NPAS3: variants seen among roughly 807,000 people sequenced by gnomAD.
NPAS3 encodes the protein neuronal PAS domain-containing protein 3.
In NPAS3, 14 loss-of-function variants were observed where a neutral mutation model predicts 73.1. The observed-to-expected ratio is 0.19, with a 90% confidence interval of 0.13 to 0.30. The LOEUF (loss-of-function observed/expected upper bound fraction) is 0.30, where lower values mean the gene tolerates loss of function less well. Among genes scored for constraint, NPAS3 ranks in the 10% least tolerant of loss-of-function variants. The pLI is 1.00. For synonymous variants in NPAS3, 620 were observed against 541.5 expected (o/e 1.14, Z -2.01); for missense variants, 1,096 against 1,250.0 (o/e 0.88, Z 1.86).
chr14:33,455,167 T>C (rs1421646851), intron 4 of NPAS3, among the ~76,000 whole-genome samples: 2 of 152,264 alleles, frequency 1.3e-5, no homozygotes, highest in Non-Finnish European at 2.9e-5. Context: ...TCTGCAACTG[T>C]TGAAAGTAAA....
intron 2 of NPAS3, among the ~76,000 whole-genome samples, chr14:33,060,042 A>G (rs1370635526): frequency 2.0e-5 from 3 of 152,180 alleles, no homozygotes; most frequent in Non-Finnish European, 4.4e-5. Flanking sequence ...CTCAGCCTCT[A>G]AAAGTACTGG....
intron 5 of NPAS3, among the ~76,000 whole-genome samples, chr14:33,663,551 GT>G (rs1359430716): frequency 1.3e-5 from 2 of 152,096 alleles, no homozygotes; most frequent in Non-Finnish European, 2.9e-5. Flanking sequence ...TCTCTGCCAG[GT>G]TTTGGTATCA....
rs191362016 is a variant in NPAS3 at position 33,049,740 on chromosome 14, T to C, written c.51-6165T>C. Among the ~76,000 whole-genome samples the C allele has an allele frequency of 2.7e-4, 41 of 152,260 alleles. No homozygotes were observed. The East Asian group carries it at 7.5e-3, about 28-fold the overall frequency. On this transcript the variant is annotated intron_variant, in intron 1 of 11. Transcript: ENST00000356141. ...TAGCGGCAGAGCTCCAAGTTTGCAT[T>C]CACATCTGGTTCCAAAGCTTGGGCT... is the stretch of plus-strand genomic sequence containing the variant.
intron 3 of NPAS3, among the ~76,000 whole-genome samples, chr14:33,315,201 G>C (rs886901974): frequency 2.0e-5 from 3 of 152,124 alleles, no homozygotes; most frequent in African/African-American, 7.2e-5. Context: ...GTCTCAGGGA[G>C]CCAGCAAACA....
In NPAS3 at chr14:33,046,685, C is replaced by T. The variant is rs188823029; in HGVS notation, c.51-9220C>T. On this transcript the variant is annotated intron_variant, in intron 1 of 11. Transcript: ENST00000356141. ...GTACTTCCAGCAGGGTATATAAGAA[C>T]CAGTTAAGAGCCGGGAGCAGTGGCT... Among the ~76,000 whole-genome samples the T allele has an allele frequency of 2.0e-5, 3 of 152,204 alleles. No individual in the cohort carries two copies. The East Asian group carries it at 5.8e-4, about 29-fold the overall frequency.
At chr14:33,349,715 A>G (rs117732345) in intron 3 of NPAS3, among the ~76,000 whole-genome samples, 3,162 of 152,286 alleles carry the variant, frequency 0.021, 47 homozygotes, top group South Asian at 0.045. Context: ...ATTACGAGTC[A>G]CTTGCTTATT....
intron 1 of NPAS3, among the ~76,000 whole-genome samples, chr14:32,954,287 G>T (rs886197296): frequency 5.3e-5 from 8 of 151,968 alleles, no homozygotes; most frequent in Admixed American, 3.9e-4. Flanking sequence ...TATCACTGTT[G>T]GTGTTTGTCC....
At chr14:33,782,801 A>G (rs1021845586) in intron 9 of NPAS3, among the ~76,000 whole-genome samples, 8 of 150,216 alleles carry the variant, frequency 5.3e-5, no homozygotes, top group Admixed American at 6.6e-5. Context: ...CCTATCCAAC[A>G]TACTTGGGGG....
intron 5 of NPAS3, among the ~76,000 whole-genome samples, chr14:33,653,850 AT>A (rs1390114510): frequency 6.6e-6 from 1 of 152,214 alleles, no homozygotes; most frequent in Non-Finnish European, 1.5e-5. Context: ...TAGGTAAACC[AT>A]TTTATTCCTA....
intron 9 of NPAS3, among the ~76,000 whole-genome samples, chr14:33,784,751 T>TTTA (rs1555333519): frequency 1.8e-4 from 21 of 114,838 alleles, no homozygotes; most frequent in South Asian, 1.5e-3. Flanking sequence ...ATTTATTTTT[T>TTTA]TTTTTTTTTT....
At chr14:33,309,645 A>C (rs918961269) in intron 3 of NPAS3, among the ~76,000 whole-genome samples, 1 of 152,204 alleles carries the variant, frequency 6.6e-6, no homozygotes, top group African/African-American at 2.4e-5. Context: ...GGATTTTTCT[A>C]CTGGGTGTAC....
intron 6 of NPAS3, among the ~76,000 whole-genome samples, chr14:33,725,043 A>C (rs1444612962): frequency 6.6e-6 from 1 of 152,214 alleles, no homozygotes; most frequent in African/African-American, 2.4e-5. Context: ...AAATACAGAT[A>C]CTGTAATGTT....
At chr14:33,752,503 T>C (rs984254052) in intron 7 of NPAS3, among the ~76,000 whole-genome samples, 11 of 152,214 alleles carry the variant, frequency 7.2e-5, no homozygotes, top group African/African-American at 2.4e-4. Context: ...AAGTTGGGTT[T>C]GGGTGTTTGT....
At chr14:33,103,864 G>A (rs1452867428) in intron 2 of NPAS3, among the ~76,000 whole-genome samples, 1 of 152,146 alleles carries the variant, frequency 6.6e-6, no homozygotes, top group Non-Finnish European at 1.5e-5. Flanking sequence ...AGTTCAGTGA[G>A]GGTAGAGCTG....
chr14:33,602,580 C>G (rs1166900231), intron 5 of NPAS3, among the ~76,000 whole-genome samples: 1 of 152,162 alleles, frequency 6.6e-6, no homozygotes, highest in Non-Finnish European at 1.5e-5. Flanking sequence ...GGGCCCACAC[C>G]CACTGTTGAA....
chr14:33,556,017 A>T (rs1433257084), intron 4 of NPAS3, among the ~76,000 whole-genome samples: 1 of 151,910 alleles, frequency 6.6e-6, no homozygotes, highest in Non-Finnish European at 1.5e-5. Context: ...TCTTTGTGTC[A>T]TGTAGACGTA....
At chr14:33,467,487 G>A (rs2050580384) in intron 4 of NPAS3, among the ~76,000 whole-genome samples, 1 of 152,288 alleles carries the variant, frequency 6.6e-6, no homozygotes, top group Middle Eastern at 3.4e-3. Flanking sequence ...TTTAACTTGA[G>A]CTATTGTAGA....
Position 33,324,382 on chromosome 14 carries a change from A to G in NPAS3, c.386-42804A>G, listed in dbSNP as rs555718987. The stretch of plus-strand genomic sequence containing the variant: ...AAATGAGAAATAATTAACAATAGCA[A>G]TAACAAAGTCTTATAAAGCTGGAAA... On this transcript the variant is annotated intron_variant, in intron 3 of 11. Coordinates refer to ENST00000356141, the Ensembl canonical transcript of NPAS3. Among the ~76,000 whole-genome samples, 49 of 152,338 alleles carry G rather than the reference A, an allele frequency of 3.2e-4. 1 individual carries two copies. The Middle Eastern group carries it at 0.024, about 74-fold the overall frequency.
intron 1 of NPAS3, among the ~76,000 whole-genome samples, chr14:33,003,017 T>C (rs1193636004): frequency 6.6e-6 from 1 of 152,096 alleles, no homozygotes; most frequent in Non-Finnish European, 1.5e-5. Context: ...GCAAGCATCA[T>C]AGCAACTTGA....
Sources: allele counts gnomAD v4.1 joint callset (sites outside exome capture counted in the v4.1 genomes callset), GRCh38; gene constraint gnomAD v4.1.1; transcripts MANE v1.5; gene names NCBI Gene and HGNC (gene_info 2026-07-23, HGNC 2026-07-21).